Variants in GAB2 observed in about 807,000 individuals in gnomAD.
The protein encoded by GAB2 is GRB2-associated-binding protein 2.
Under a neutral mutation model 65.5 loss-of-function variants are expected in GAB2, and 26 were observed. That is an observed-to-expected ratio of 0.40 (90% CI 0.29 to 0.55). The LOEUF (loss-of-function observed/expected upper bound fraction) is 0.55. Among genes scored for constraint, GAB2 ranks in the 20% least tolerant of loss-of-function variants. The pLI is 0.53. For synonymous variants in GAB2, 321 were observed against 329.6 expected, an observed-to-expected ratio of 0.97 and a Z score of 0.28; for missense variants, 884 against 875.8, an observed-to-expected ratio of 1.01 and a Z score of -0.12.
intron 1 of GAB2, among the ~76,000 whole-genome samples, chr11:78,300,733 T>C (rs1866994097): frequency 6.7e-6 from 1 of 148,350 alleles, no homozygotes; most frequent in South Asian, 2.2e-4. Context: ...CTCACTCTGT[T>C]GCCCAGGCTG....
intron 2 of GAB2, among the ~76,000 whole-genome samples, chr11:78,257,680 A>G (rs1865628843): frequency 6.6e-6 from 1 of 152,220 alleles, no homozygotes; most frequent in Non-Finnish European, 1.5e-5. Flanking sequence ...TCACAATTAT[A>G]TGCCGTACAG....
chr11:78,285,203 G>A (rs1324410960), intron 1 of GAB2, among the ~76,000 whole-genome samples: 3 of 152,138 alleles, frequency 2.0e-5, no homozygotes, highest in African/African-American at 4.8e-5. Flanking sequence ...ATGTGTCCCC[G>A]TTAGTCTTGT....
chr11:78,243,702 G>T (rs1865211125), intron 3 of GAB2, among the ~76,000 whole-genome samples: 1 of 151,706 alleles, frequency 6.6e-6, no homozygotes, highest in Admixed American at 6.6e-5. Context: ...AAATTAGCTG[G>T]GCACAGTGGC....
At chr11:78,359,137 G>T (rs1249974270) in intron 1 of GAB2, among the ~76,000 whole-genome samples, 1 of 152,108 alleles carries the variant, frequency 6.6e-6, no homozygotes, top group Non-Finnish European at 1.5e-5. Context: ...ATCTAATCTT[G>T]TAACTGAAGT....
chr11:78,327,095 T>G (rs1327808232), intron 1 of GAB2, among the ~76,000 whole-genome samples: 1 of 152,210 alleles, frequency 6.6e-6, no homozygotes, highest in African/African-American at 2.4e-5. Context: ...TGTCTATTAT[T>G]CAATACAATT....
At chr11:78,271,879 G>A (rs1348855586) in intron 2 of GAB2, among the ~76,000 whole-genome samples, 1 of 152,186 alleles carries the variant, frequency 6.6e-6, no homozygotes, top group African/African-American at 2.4e-5. Flanking sequence ...TCCAGTGGGA[G>A]GTAATTGAAT....
At chr11:78,364,177 T>C (rs539828582) in intron 1 of GAB2, 1 of 152,266 alleles carries the variant, frequency 6.6e-6, no homozygotes, top group Admixed American at 6.5e-5. Context: ...AGAGCTTGGA[T>C]AAAGACTAGA....
chr11:78,249,316 A>G (rs2134520664), intron 3 of GAB2, among the ~76,000 whole-genome samples: 1 of 152,346 alleles, frequency 6.6e-6, no homozygotes, highest in African/African-American at 2.4e-5. Context: ...ACATTAGTAC[A>G]GCCATTTTTC....
chr11:78,220,069 C>G (rs1453125733), intron 9 of GAB2, among the ~76,000 whole-genome samples: 1 of 152,200 alleles, frequency 6.6e-6, no homozygotes, highest in Non-Finnish European at 1.5e-5. Flanking sequence ...ATTTGCCCAT[C>G]TCTACAACAC....
At position 78,415,948 on chromosome 11, in the gene GAB2, T is replaced by G. The variant is rs1420539391; in HGVS notation, c.75+1698A>C. ...TGAAAATTAAGGGTCACTTTTTTTT[T>G]TTTTTTTTTTACTGTGGACACTGTA... is the stretch of plus-strand genomic sequence containing the variant. On this transcript the variant is annotated intron_variant, in intron 1 of 9. Coordinates refer to ENST00000361507, the MANE Select transcript of GAB2 (RefSeq NM_080491.3). 2.6e-5 allele frequency among the ~76,000 whole-genome samples: 4 copies of G among 151,978 alleles called. No homozygotes were observed. The East Asian group carries it at 7.7e-4, about 29-fold the overall frequency.
Position 78,407,658 on chromosome 11 carries a change from TAAGAAAGAAAGA to T in GAB2, c.75+9976_75+9987del, listed in dbSNP as rs375405621. ...CAAAGAAAGAAAGAAAGAAAGAAAG[TAAGAAAGAAAGA>T]AAGAAAGAAAGAAAGAAAGAAAGAA... On this transcript the variant is annotated intron_variant, in intron 1 of 9. Transcript: ENST00000361507. 3.4e-3 allele frequency among the ~76,000 whole-genome samples: 397 copies of T among 117,224 alleles called. 2 individuals are homozygous for T. The highest frequency in any genetic ancestry group is 8.7e-3 in the African/African-American group (250 of 28,776). 76.9% of individuals were successfully genotyped at this position (117,224 alleles called of 152,430 possible). A position where few individuals can be genotyped will look rare whatever the true frequency, so the allele number is the denominator to read the frequency against.
At chr11:78,286,946 A>G (rs1866501645) in intron 1 of GAB2, among the ~76,000 whole-genome samples, 1 of 152,226 alleles carries the variant, frequency 6.6e-6, no homozygotes, top group African/African-American at 2.4e-5. Context: ...GACTGTTCTA[A>G]CGTCTATATA....
At position 78,280,427 on chromosome 11, in the gene GAB2, T is replaced by C. The variant is rs137884157; in HGVS notation, c.376+174A>G. 3 of 632,436 alleles carry C rather than the reference T, an allele frequency of 4.7e-6. No homozygotes were observed. In the East Asian group the frequency reaches 7.9e-5, roughly 17 times the overall value. 39.2% of individuals were successfully genotyped at this position (632,436 alleles called of 1,614,324 possible). ...TTTTTTTTGGTTTCCAGTTAGAGCA[T>C]AATTAGGGCCAGGTGTCCCTCTAAT... On this transcript the variant is annotated intron_variant, in intron 2 of 9. Transcript: ENST00000361507.
intron 7 of GAB2, 151 bp downstream of exon 7, chr11:78,221,954 G>T: frequency 1.4e-6 from 1 of 692,118 alleles, no homozygotes. Context: ...TACAGCTGAG[G>T]AAACCAAGCC....
chr11:78,253,566 T>C (rs970778358), intron 2 of GAB2, among the ~76,000 whole-genome samples: 5 of 152,200 alleles, frequency 3.3e-5, no homozygotes, highest in African/African-American at 1.2e-4. Context: ...AGGGCTAGGA[T>C]TACAGGTATA....
At position 78,396,234 on chromosome 11, in the gene GAB2, G is replaced by A. The variant is rs114434704; in HGVS notation, c.75+21412C>T. ...TTCACCGTAGTTCAAACAAAGAAATGTGGTAGGAAAAAAGTATGGGACACA... is the reference window on the plus strand; with the variant it reads ...TTCACCGTAGTTCAAACAAAGAAATATGGTAGGAAAAAAGTATGGGACACA... On this transcript the variant is annotated intron_variant, in intron 1 of 9. Coordinates refer to ENST00000361507, the MANE Select transcript of GAB2 (RefSeq NM_080491.3). 3.6e-3 allele frequency among the ~76,000 whole-genome samples: 541 copies of A among 152,306 alleles called. 5 individuals are homozygous for A. The highest frequency in any genetic ancestry group is 0.012 in the African/African-American group (487 of 41,574).
chr11:78,233,040 G>T (rs1027481437), intron 3 of GAB2, among the ~76,000 whole-genome samples: 11 of 131,978 alleles, frequency 8.3e-5, no homozygotes, highest in African/African-American at 1.5e-4. Flanking sequence ...GCACTGTTAA[G>T]TTTTTTTTTT....
chr11:78,292,708 C>T (rs997222178), intron 1 of GAB2, among the ~76,000 whole-genome samples: 2 of 152,174 alleles, frequency 1.3e-5, no homozygotes, highest in East Asian at 1.9e-4. Flanking sequence ...ACTTCCTGAG[C>T]GAGGAAAGGC....
At chr11:78,314,836 C>T (rs1855568728) in intron 1 of GAB2, among the ~76,000 whole-genome samples, 1 of 152,200 alleles carries the variant, frequency 6.6e-6, no homozygotes, top group Non-Finnish European at 1.5e-5. Flanking sequence ...CACAATGCTA[C>T]TGGGACGCAG....
Sources: allele counts gnomAD v4.1 joint callset (sites outside exome capture counted in the v4.1 genomes callset), GRCh38; gene constraint gnomAD v4.1.1; transcripts MANE v1.5; gene names NCBI Gene and HGNC (gene_info 2026-07-23, HGNC 2026-07-21).